FAF2: variants seen among roughly 807,000 people sequenced by gnomAD.
FAF2 encodes FAS-associated factor 2.
FAF2 carries 9 observed loss-of-function variants against 62.3 expected under a neutral mutation model. That is an observed-to-expected ratio of 0.14 (90% CI 0.09 to 0.25). The LOEUF is 0.25. Ranked by LOEUF, FAF2 falls within the 10% of genes least tolerant of loss-of-function variation. FAF2 has a pLI of 1.00. For synonymous variants in FAF2, 202 were observed against 198.0 expected, an observed-to-expected ratio of 1.02 and a Z score of -0.17; for missense variants, 368 against 556.2, an observed-to-expected ratio of 0.66 and a Z score of 3.40.
intron 1 of FAF2, among the ~76,000 whole-genome samples, chr5:176,472,423 G>A (rs986572134): frequency 6.6e-6 from 1 of 152,100 alleles, no homozygotes; most frequent in Non-Finnish European, 1.5e-5. Context: ...GGGATTACAG[G>A]CGTGATCCAC....
intron 1 of FAF2, among the ~76,000 whole-genome samples, chr5:176,471,375 C>CTTTTT (rs138149987): frequency 9.2e-5 from 9 of 97,622 alleles, no homozygotes; most frequent in Non-Finnish European, 1.2e-4. Flanking sequence ...TCTGTACATT[C>CTTTTT]TTTTTTTTTT....
chr5:176,456,325 G>C (rs1393537169), intron 1 of FAF2, among the ~76,000 whole-genome samples: 1 of 152,142 alleles, frequency 6.6e-6, no homozygotes, highest in African/African-American at 2.4e-5. Context: ...GCCTACCTCG[G>C]CCTCTCAAAG....
In FAF2 at chr5:176,500,056, C is replaced by G. The variant is rs764082385; in HGVS notation, c.1065C>G (p.Ser355=). Residue 355 remains serine, a synonymous_variant, in exon 10 of 11, where the codon TCC becomes TCG. Transcript: ENST00000261942. ...TGGAATGCCTGCCCCCTGAACCTTC[C>G]CCTGATGACCCTGAAAGTGTCAAGA... ...RKLECLPPEP[S]PDDPESVKII... 1 of 1,614,106 alleles carries G rather than the reference C, an allele frequency of 6.2e-7. No individual in the cohort carries two copies. Among genetic ancestry groups the G allele is most frequent in the Non-Finnish European group, 8.5e-7 (1 of 1,180,008 alleles).
Position 176,494,594 on chromosome 5 carries a change from G to A in FAF2, c.661+319G>A, listed in dbSNP as rs781318189. On this transcript the variant is annotated intron_variant, in intron 7 of 10. Transcript: ENST00000261942. The surrounding 1 kb of genome is among the most constrained non-coding windows in gnomAD (Gnocchi z 4.0). ...TTTTGAGATGGAGTCTTGCTCTGTC[G>A]CCCAGGCTGGAGTGCAGTGGTGCGA... 4.6e-5 allele frequency among the ~76,000 whole-genome samples: 7 copies of A among 151,962 alleles called. No individual in the cohort carries two copies. The highest frequency in any genetic ancestry group is 1.9e-4 in the East Asian group (1 of 5,172).
In FAF2 at chr5:176,486,619, G is replaced by A. The variant is rs561652632; in HGVS notation, c.267+130G>A. 501 of 877,620 alleles carry A rather than the reference G, an allele frequency of 5.7e-4. 13 individuals carry two copies. The South Asian group carries it at 7.7e-3, about 13-fold the overall frequency. 54.4% of individuals were successfully genotyped at this position (877,620 alleles called of 1,614,324 possible). ...TAAACCTGTTAGTTAGACTTGGCCC[G>A]TTGGGTGTATTATTTTGCCTTGATT... On this transcript the variant is annotated intron_variant, in intron 3 of 10. Transcript: ENST00000261942.
rs1196438743 is a variant in FAF2, at chr5:176,494,575, G to T, written c.661+300G>T. 6.6e-6 allele frequency among the ~76,000 whole-genome samples: 1 copy of T among 152,046 alleles called. No homozygotes were observed. Among genetic ancestry groups the T allele is most frequent in the Admixed American group, 6.5e-5 (1 of 15,278 alleles). ...TAATTAATTAAAAAAATTTTTTTGA[G>T]ATGGAGTCTTGCTCTGTCGCCCAGG... On this transcript the variant is annotated intron_variant, in intron 7 of 10. Transcript: ENST00000261942. The surrounding 1 kb of genome is among the most constrained non-coding windows in gnomAD (Gnocchi z 4.0).
intron 1 of FAF2, among the ~76,000 whole-genome samples, chr5:176,475,296 ATT>A: frequency 6.6e-6 from 1 of 151,736 alleles, no homozygotes; most frequent in Non-Finnish European, 1.5e-5. Context: ...CACCCGGCTA[ATT>A]TTTTTTGTAT....
intron 1 of FAF2, among the ~76,000 whole-genome samples, chr5:176,472,543 A>G (rs1324561738): frequency 6.6e-6 from 1 of 152,016 alleles, no homozygotes; most frequent in Non-Finnish European, 1.5e-5. Flanking sequence ...TTGGCCTCCC[A>G]GAATGCTGGG....
intron 7 of FAF2, among the ~76,000 whole-genome samples, chr5:176,496,277 G>A (rs980981141): frequency 2.0e-5 from 3 of 152,234 alleles, no homozygotes; most frequent in South Asian, 2.1e-4. Flanking sequence ...CCAGGAGCTG[G>A]AGACCAGCCT....
chr5:176,477,674 C>T (rs978686355), intron 1 of FAF2, among the ~76,000 whole-genome samples: 1 of 152,160 alleles, frequency 6.6e-6, no homozygotes, highest in Non-Finnish European at 1.5e-5. Flanking sequence ...AAAATGAAAA[C>T]TTGTATACCT....
At chr5:176,479,076 A>C in intron 1 of FAF2, 112 bp from the exon 2 acceptor site, 1 of 841,252 alleles carries the variant, frequency 1.2e-6, no homozygotes, top group Non-Finnish European at 2.1e-6. Flanking sequence ...ATACTTTAAC[A>C]CTCACTTTTA....
At chr5:176,501,101 C>T (rs1022099710) in intron 10 of FAF2, among the ~76,000 whole-genome samples, 9 of 151,578 alleles carry the variant, frequency 5.9e-5, no homozygotes, top group East Asian at 1.9e-4. Context: ...CACTCCAGCC[C>T]GGGCAACAGA....
chr5:176,499,524 C>T (rs554823353), intron 9 of FAF2, among the ~76,000 whole-genome samples: 35 of 151,682 alleles, frequency 2.3e-4, no homozygotes, highest in Non-Finnish European at 3.5e-4. Context: ...GTTTTTGTTC[C>T]CTAGCAATCA....
chr5:176,488,849 T>G (rs2113738735), intron 3 of FAF2, 102 bp from the exon 4 acceptor site: 2 of 873,836 alleles, frequency 2.3e-6, no homozygotes, highest in South Asian at 3.0e-5. Context: ...GAGGAACAAA[T>G]CACATGGAAG....
intron 1 of FAF2, among the ~76,000 whole-genome samples, chr5:176,472,132 T>A (rs1287957418): frequency 6.6e-6 from 1 of 152,008 alleles, no homozygotes; most frequent in Non-Finnish European, 1.5e-5. Flanking sequence ...GTTTTGAGTT[T>A]TTTTTTTTAT....
intron 5 of FAF2, among the ~76,000 whole-genome samples, chr5:176,493,633 C>T (rs1759012937): frequency 1.3e-5 from 2 of 152,182 alleles, no homozygotes; most frequent in Admixed American, 6.5e-5. Flanking sequence ...AAATTCTCAC[C>T]TCCCTTTCAT....
intron 3 of FAF2, among the ~76,000 whole-genome samples, chr5:176,486,754 G>C (rs544415538): frequency 6.6e-6 from 1 of 151,946 alleles, no homozygotes; most frequent in East Asian, 1.9e-4. Flanking sequence ...CAAGTTCTTT[G>C]TTGCTTCAGT....
rs376075970 is a variant in FAF2, at chr5:176,496,580, C to T, written c.756C>T (p.Leu252=). ...CTGTGGTGGGACGGCTAGAAGGCCT[C>T]ATTCAACCTGATGACCTCATTAACC... ...RMTVVGRLEG[L]IQPDDLINQL... is the part of the protein sequence containing the mutation. The change falls in exon 8 of 11, where the codon CTC becomes CTT. Residue 252 remains leucine (L), a synonymous_variant. Coordinates refer to ENST00000261942, the MANE Select transcript of FAF2 (RefSeq NM_014613.3). 45 of 1,612,960 alleles carry T rather than the reference C, an allele frequency of 2.8e-5. No homozygotes were observed. The highest frequency in any genetic ancestry group is 3.6e-5 in the Non-Finnish European group (42 of 1,179,514).
At chr5:176,490,806 T>C (rs1163733104) in intron 4 of FAF2, among the ~76,000 whole-genome samples, 2 of 152,122 alleles carry the variant, frequency 1.3e-5, no homozygotes, top group African/African-American at 4.8e-5. Context: ...CTGATTGTCC[T>C]AAATTGTGTA....
Sources: allele counts gnomAD v4.1 joint callset (sites outside exome capture counted in the v4.1 genomes callset), GRCh38; gene constraint gnomAD v4.1.1; non-coding constraint Gnocchi (gnomAD v3.1); transcripts MANE v1.5; gene names NCBI Gene and HGNC (gene_info 2026-07-23, HGNC 2026-07-21).